The following RPS6KA5 variants were observed in gnomAD, a reference collection of about 807,000 sequenced individuals.
The protein encoded by RPS6KA5 is ribosomal protein S6 kinase alpha-5.
A neutral mutation model predicts 85.5 loss-of-function variants in RPS6KA5; 27 were observed. That is an observed-to-expected ratio of 0.32 (90% confidence interval 0.23 to 0.44). RPS6KA5 has a LOEUF of 0.44. Ranked by LOEUF, RPS6KA5 falls within the 20% of genes least tolerant of loss-of-function variation. The pLI is 1.00. For missense variants in RPS6KA5, 811 were observed against 980.9 expected, an observed-to-expected ratio of 0.83 and a Z score of 2.31; for synonymous variants, 334 against 348.2, an observed-to-expected ratio of 0.96 and a Z score of 0.46.
intron 7 of RPS6KA5, among the ~76,000 whole-genome samples, chr14:90,912,000 A>C (rs2035849448): frequency 1.3e-5 from 2 of 152,032 alleles, no homozygotes; most frequent in Non-Finnish European, 2.9e-5. Context: ...CTTCCCCACC[A>C]TCTTTTCTCT....
intron 11 of RPS6KA5, 53 bp from the exon 12 acceptor site, chr14:90,899,475 T>G (rs2140225392): frequency 1.7e-6 from 2 of 1,211,294 alleles, no homozygotes; most frequent in East Asian, 2.3e-5. Flanking sequence ...AGTTTTTATA[T>G]CAGTACTGCC....
At chr14:90,932,349 T>C (rs2037029894) in intron 5 of RPS6KA5, among the ~76,000 whole-genome samples, 1 of 152,078 alleles carries the variant, frequency 6.6e-6, no homozygotes, top group East Asian at 1.9e-4. Context: ...TTCCCCAGGC[T>C]GTTGAGTCTC....
chr14:90,930,987 T>A (rs946919920), intron 5 of RPS6KA5, among the ~76,000 whole-genome samples: 25 of 152,296 alleles, frequency 1.6e-4, no homozygotes, highest in African/African-American at 5.5e-4. Flanking sequence ...TAAATGTTCC[T>A]CAAAAAATTA....
chr14:90,930,913 AC>A (rs2036937700), intron 5 of RPS6KA5, among the ~76,000 whole-genome samples: 1 of 152,236 alleles, frequency 6.6e-6, no homozygotes, highest in African/African-American at 2.4e-5. Flanking sequence ...GATACGGAGA[AC>A]CTGGAACTTT....
At chr14:90,886,431 G>A (rs1368294517) in intron 14 of RPS6KA5, among the ~76,000 whole-genome samples, 1 of 152,208 alleles carries the variant, frequency 6.6e-6, no homozygotes, top group Non-Finnish European at 1.5e-5. Context: ...GGATTCACAC[G>A]CTGAAGCCCC....
rs113270027 is a variant in RPS6KA5, at chr14:91,046,000, C to T, written c.103+14332G>A. 5.8e-3 allele frequency among the ~76,000 whole-genome samples: 886 copies of T among 152,232 alleles called. 5 individuals carry two copies. Among genetic ancestry groups the T allele is most frequent in the African/African-American group, 0.015 (618 of 41,524 alleles). On this transcript the variant is annotated intron_variant, in intron 1 of 16. Transcript: ENST00000614987. ...CTTTGATAGAAAGGCTTTGTTTCCC[C>T]GCTCTTCACCCCACAACAACCAGGG...
At chr14:90,914,404 C>T (rs2036001655) in intron 7 of RPS6KA5, among the ~76,000 whole-genome samples, 1 of 150,722 alleles carries the variant, frequency 6.6e-6, no homozygotes, top group Admixed American at 6.6e-5. Flanking sequence ...AACCTCCGCC[C>T]CCAGGGTTCC....
At chr14:90,889,092 G>C (rs1042883547) in intron 14 of RPS6KA5, among the ~76,000 whole-genome samples, 1 of 152,206 alleles carries the variant, frequency 6.6e-6, no homozygotes, top group East Asian at 1.9e-4. Flanking sequence ...TCAGGAGTTT[G>C]AGACCAGCCT....
At chr14:91,014,331 G>T (rs1217094013) in intron 1 of RPS6KA5, among the ~76,000 whole-genome samples, 1 of 151,812 alleles carries the variant, frequency 6.6e-6, no homozygotes, top group Non-Finnish European at 1.5e-5. Context: ...TGAAACCCTG[G>T]TCTCTATTTA....
At chr14:90,906,898 C>T (rs2140248345) in intron 7 of RPS6KA5, among the ~76,000 whole-genome samples, 1 of 152,120 alleles carries the variant, frequency 6.6e-6, no homozygotes, top group African/African-American at 2.4e-5. Context: ...AAAGTACCTG[C>T]TTCAATGTTT....
intron 2 of RPS6KA5, among the ~76,000 whole-genome samples, chr14:90,991,984 T>C (rs1159442809): frequency 6.6e-6 from 1 of 152,124 alleles, no homozygotes; most frequent in Non-Finnish European, 1.5e-5. Flanking sequence ...CTAGTTTAAA[T>C]ATATAGAAAT....
intron 1 of RPS6KA5, among the ~76,000 whole-genome samples, chr14:91,055,861 G>A (rs1456847064): frequency 6.6e-6 from 1 of 152,216 alleles, no homozygotes; most frequent in African/African-American, 2.4e-5. Context: ...CCAGCTGCCT[G>A]TCATGAGAAT....
chr14:90,939,163 G>A (rs1276980898), intron 5 of RPS6KA5, among the ~76,000 whole-genome samples: 1 of 152,098 alleles, frequency 6.6e-6, no homozygotes, highest in East Asian at 1.9e-4. Flanking sequence ...TCTAGGGCAG[G>A]GGCAAAATGC....
chr14:91,052,041 T>C (rs577283298), intron 1 of RPS6KA5, among the ~76,000 whole-genome samples: 1 of 152,072 alleles, frequency 6.6e-6, no homozygotes, highest in Non-Finnish European at 1.5e-5. Context: ...GTCCATCACC[T>C]TTACTTTATG....
At chr14:90,962,524 T>C (rs1210796392) in intron 3 of RPS6KA5, among the ~76,000 whole-genome samples, 1 of 151,960 alleles carries the variant, frequency 6.6e-6, no homozygotes, top group African/African-American at 2.4e-5. Flanking sequence ...TGACTTCAGG[T>C]GATCTGCCCT....
At position 90,854,150 on chromosome 14, in the gene RPS6KA5, T is replaced by C. The variant is rs1555353344; in HGVS notation, c.*17924A>G. On this transcript the variant is annotated 3_prime_UTR_variant, in exon 17 of 17. Transcript: ENST00000614987. The stretch of plus-strand genomic sequence containing the variant: ...GATATCTGTTTATATAGACTATTGA[T>C]GCAAACTAATTTTAAGTAATTATAG... The C allele has an allele frequency of 6.8e-6, 1 of 147,042 alleles. No homozygotes were observed. The highest frequency in any genetic ancestry group is 2.7e-5 in the African/African-American group (1 of 37,010). 9.1% of individuals were successfully genotyped at this position (147,042 alleles called of 1,614,324 possible). A position where few individuals can be genotyped will look rare whatever the true frequency, so the allele number is the denominator to read the frequency against.
chr14:90,916,384 T>C (rs1361181578), intron 7 of RPS6KA5, among the ~76,000 whole-genome samples: 1 of 152,222 alleles, frequency 6.6e-6, no homozygotes, highest in Non-Finnish European at 1.5e-5. Flanking sequence ...TATTCTAGGC[T>C]ACCTGTAGAC....
At chr14:90,901,454 G>A (rs2035166099) in intron 9 of RPS6KA5, among the ~76,000 whole-genome samples, 1 of 152,140 alleles carries the variant, frequency 6.6e-6, no homozygotes, top group African/African-American at 2.4e-5. Flanking sequence ...TTCTAATTTA[G>A]CAATTATTTG....
chr14:91,027,724 G>C lies in RPS6KA5; in HGVS notation c.104-26565C>G, dbSNP rs1595504577. Among the ~76,000 whole-genome samples, 4 of 152,288 alleles carry C rather than the reference G, an allele frequency of 2.6e-5. No individual in the cohort carries two copies. The South Asian group carries it at 8.3e-4, about 32-fold the overall frequency. The stretch of plus-strand genomic sequence containing the variant: ...TCACTACAGAACCTATGTTTAAAGA[G>C]AAGCTGACATCTAGAGTACTGCCAG... On this transcript the variant is annotated intron_variant, in intron 1 of 16. Transcript: ENST00000614987.
Sources: allele counts gnomAD v4.1 joint callset (sites outside exome capture counted in the v4.1 genomes callset), GRCh38; gene constraint gnomAD v4.1.1; transcripts MANE v1.5; gene names NCBI Gene and HGNC (gene_info 2026-07-23, HGNC 2026-07-21).